GALNT17: variants seen among roughly 807,000 people sequenced by gnomAD.
GALNT17 encodes the protein polypeptide N-acetylgalactosaminyltransferase 17, also known as UDP-GalNAc:polypeptide N-acetylgalactosaminyltransferase-like 3.
GALNT17 carries 29 observed loss-of-function variants against 63.7 expected under a neutral mutation model. The ratio of observed to expected loss-of-function variants is 0.46; its 90% confidence interval spans 0.34 to 0.62. GALNT17 has a LOEUF of 0.62. Ranked by LOEUF, GALNT17 falls within the 20% of genes least tolerant of loss-of-function variation. GALNT17 has a pLI of 0.01. For synonymous variants in GALNT17, 305 were observed against 318.3 expected, an observed-to-expected ratio of 0.96 and a Z score of 0.45; for missense variants, 603 against 799.6, an observed-to-expected ratio of 0.75 and a Z score of 2.97.
At chr7:71,353,079 G>A (rs963397228) in intron 2 of GALNT17, among the ~76,000 whole-genome samples, 1 of 151,916 alleles carries the variant, frequency 6.6e-6, no homozygotes, top group African/African-American at 2.4e-5. Flanking sequence ...GCTAGCCTGA[G>A]GGCTTTGGGG....
intron 5 of GALNT17, among the ~76,000 whole-genome samples, chr7:71,493,458 C>T (rs1788042740): frequency 6.6e-6 from 1 of 152,118 alleles, no homozygotes; most frequent in Non-Finnish European, 1.5e-5. Context: ...GTTTAATGGA[C>T]TCACAGTTCT....
chr7:71,150,829 T>C (rs1788118830), intron 1 of GALNT17, among the ~76,000 whole-genome samples: 1 of 151,782 alleles, frequency 6.6e-6, no homozygotes. Flanking sequence ...GGAGTTCACC[T>C]CTTGGTGGCA....
chr7:71,250,515 A>G (rs1258212550), intron 1 of GALNT17, among the ~76,000 whole-genome samples: 2 of 152,126 alleles, frequency 1.3e-5, no homozygotes, highest in African/African-American at 2.4e-5. Context: ...TGCTAGGAAT[A>G]TAGAGTGAAT....
At chr7:71,201,244 T>TATATATATATATAC (rs753976717) in intron 1 of GALNT17, among the ~76,000 whole-genome samples, 4 of 146,762 alleles carry the variant, frequency 2.7e-5, no homozygotes, top group South Asian at 2.1e-4. Context: ...TTTATTTTTA[T>TATATATATATATAC]ATATATATAT....
At chr7:71,316,584 G>T (rs539410493) in intron 1 of GALNT17, among the ~76,000 whole-genome samples, 1 of 152,250 alleles carries the variant, frequency 6.6e-6, no homozygotes, top group African/African-American at 2.4e-5. Flanking sequence ...TTCTAAATAA[G>T]CACCATGTAG....
chr7:71,288,736 G>C (rs768026737), intron 1 of GALNT17, among the ~76,000 whole-genome samples: 2 of 152,016 alleles, frequency 1.3e-5, no homozygotes, highest in Non-Finnish European at 2.9e-5. Flanking sequence ...AAATCCAGAG[G>C]GTCCCAGAAC....
At chr7:71,543,879 G>A (rs1010951199) in intron 5 of GALNT17, among the ~76,000 whole-genome samples, 1 of 150,384 alleles carries the variant, frequency 6.6e-6, no homozygotes, top group African/African-American at 2.4e-5. Context: ...TGCAGCCTCT[G>A]CCTCACAGAT....
At chr7:71,287,601 G>C (rs984820030) in intron 1 of GALNT17, among the ~76,000 whole-genome samples, 4 of 152,244 alleles carry the variant, frequency 2.6e-5, no homozygotes, top group African/African-American at 7.2e-5. Flanking sequence ...TGCAACTTCT[G>C]ACTCCTCCAA....
At chr7:71,263,827 G>T (rs1030444242) in intron 1 of GALNT17, among the ~76,000 whole-genome samples, 1 of 152,094 alleles carries the variant, frequency 6.6e-6, no homozygotes, top group Non-Finnish European at 1.5e-5. Flanking sequence ...GGGAGGCTGA[G>T]GCAGGAGAAT....
chr7:71,180,927 G>T (rs998806826), intron 1 of GALNT17, among the ~76,000 whole-genome samples: 2 of 152,120 alleles, frequency 1.3e-5, no homozygotes, highest in Non-Finnish European at 2.9e-5. Flanking sequence ...GAAATATTAG[G>T]TTGGTGCACA....
At chr7:71,347,949 TGAA>T (rs1792124418) in intron 2 of GALNT17, among the ~76,000 whole-genome samples, 1 of 152,194 alleles carries the variant, frequency 6.6e-6, no homozygotes, top group Admixed American at 6.5e-5. Context: ...TTCCACATAT[TGAA>T]GTAATTTTTC....
At chr7:71,222,032 G>A (rs1789595450) in intron 1 of GALNT17, among the ~76,000 whole-genome samples, 1 of 150,030 alleles carries the variant, frequency 6.7e-6, no homozygotes, top group South Asian at 2.1e-4. Context: ...CTCAGCCTCT[G>A]GATGAGCTGG....
At chr7:71,702,541 G>A (rs188898284) in intron 9 of GALNT17, among the ~76,000 whole-genome samples, 1 of 152,308 alleles carries the variant, frequency 6.6e-6, no homozygotes, top group Non-Finnish European at 1.5e-5. Flanking sequence ...TATTTTGGGT[G>A]AGATTGGAAG....
chr7:71,421,028 C>T lies in GALNT17; in HGVS notation c.885C>T (p.Tyr295=), dbSNP rs1786654283. 6.2e-7 allele frequency: 1 copy of T among 1,614,148 alleles called. No individual in the cohort carries two copies. The highest frequency in any genetic ancestry group is 8.5e-7 in the Non-Finnish European group (1 of 1,180,024). ...GGTACGAGAACTCGGCCCACGGGTA[C>T]AGCTGGGAGCTGTGGTGCATGTACA... ...VQRYENSAHG[Y]SWELWCMYIS... The change falls in exon 5 of 11, where the codon TAC becomes TAT. Residue 295 remains tyrosine, a synonymous_variant. Transcript: ENST00000333538.
chr7:71,233,495 A>T (rs1331844995), intron 1 of GALNT17, among the ~76,000 whole-genome samples: 1 of 152,210 alleles, frequency 6.6e-6, no homozygotes, highest in Non-Finnish European at 1.5e-5. Flanking sequence ...AGAGAGATAG[A>T]ACTGCTCCAG....
chr7:71,273,564 G>A (rs1790630143), intron 1 of GALNT17, among the ~76,000 whole-genome samples: 1 of 152,192 alleles, frequency 6.6e-6, no homozygotes, highest in African/African-American at 2.4e-5. Context: ...GTTGAATCAA[G>A]GTAGACAATG....
chr7:71,290,611 T>C (rs1489862950), intron 1 of GALNT17, among the ~76,000 whole-genome samples: 1 of 152,116 alleles, frequency 6.6e-6, no homozygotes, highest in Non-Finnish European at 1.5e-5. Context: ...GGAGCCAAGG[T>C]CCTGGGTGGC....
At chr7:71,599,275 TGGGAAGCCCTGTATTTAA>T (rs1789931723) in intron 6 of GALNT17, among the ~76,000 whole-genome samples, 1 of 152,142 alleles carries the variant, frequency 6.6e-6, no homozygotes, top group Non-Finnish European at 1.5e-5. Flanking sequence ...CCAATTGCAT[TGGGAAGCCCTGTATTTAA>T]GGGCTTTGCT....
intron 2 of GALNT17, among the ~76,000 whole-genome samples, chr7:71,379,754 G>A (rs530094286): frequency 5.9e-4 from 90 of 152,194 alleles, no homozygotes; most frequent in Non-Finnish European, 9.3e-4. Flanking sequence ...GTTTATGAGC[G>A]CTCCACGTGG....
Sources: gnomAD v4.1 joint callset for allele counts (sites outside exome capture counted in the v4.1 genomes callset) on GRCh38, gnomAD v4.1.1 for gene constraint, MANE v1.5 for transcripts, NCBI Gene and HGNC (gene_info 2026-07-23, HGNC 2026-07-21) for gene names.